KCNK2: variants seen among roughly 807,000 people sequenced by gnomAD.
KCNK2 encodes potassium two pore domain channel subfamily K member 2, also known as potassium channel subfamily K member 2.
A neutral mutation model predicts 40.5 loss-of-function variants in KCNK2; 21 were observed. The ratio of observed to expected loss-of-function variants is 0.52; its 90% CI spans 0.37 to 0.75. The LOEUF is 0.75. Among genes scored for constraint, KCNK2 ranks in the 30% least tolerant of loss-of-function variants. KCNK2 has a pLI of 0.00. For synonymous variants in KCNK2, 191 were observed against 202.2 expected (o/e 0.94, Z 0.47); for missense variants, 399 against 531.6 (o/e 0.75, Z 2.45).
At chr1:215,221,403 C>CA (rs756873959) in intron 6 of KCNK2, among the ~76,000 whole-genome samples, 2 of 151,958 alleles carry the variant, frequency 1.3e-5, no homozygotes, top group Non-Finnish European at 2.9e-5. Context: ...ACAACGACAA[C>CA]AAAAAACACA....
chr1:215,118,903 A>G (rs542652154), intron 2 of KCNK2, among the ~76,000 whole-genome samples: 3 of 152,256 alleles, frequency 2.0e-5, no homozygotes, highest in Admixed American at 6.5e-5. Context: ...GATAGGTGTG[A>G]CAGCATATTT....
At chr1:215,108,573 A>G (rs1326166003) in intron 2 of KCNK2, among the ~76,000 whole-genome samples, 2 of 152,108 alleles carry the variant, frequency 1.3e-5, no homozygotes, top group African/African-American at 4.8e-5. Context: ...GGTCATATCC[A>G]TGAAATCATT....
At chr1:215,010,900 G>GTGTGTGTGTA (rs559932493) in intron 1 of KCNK2, among the ~76,000 whole-genome samples, 77 of 137,858 alleles carry the variant, frequency 5.6e-4, no homozygotes, top group Non-Finnish European at 9.0e-4. Context: ...GTGTGTGTAT[G>GTGTGTGTGTA]TGTGTGTATA....
intron 1 of KCNK2, among the ~76,000 whole-genome samples, chr1:215,011,354 C>T (rs1323014428): frequency 6.6e-6 from 1 of 152,146 alleles, no homozygotes. Context: ...AGTGCGGTGG[C>T]ACTGCCTTGG....
At chr1:215,095,460 A>G (rs949955728) in intron 2 of KCNK2, among the ~76,000 whole-genome samples, 11 of 152,262 alleles carry the variant, frequency 7.2e-5, no homozygotes, top group African/African-American at 2.6e-4. Flanking sequence ...ATTTTTCTTC[A>G]TGATCACCGT....
chr1:215,007,623 C>T (rs1219560995), intron 1 of KCNK2, among the ~76,000 whole-genome samples: 1 of 152,042 alleles, frequency 6.6e-6, no homozygotes, highest in African/African-American at 2.4e-5. Flanking sequence ...AAACTGAACA[C>T]ATGTCCTTCT....
At chr1:215,190,639 A>G (rs1174657113) in intron 5 of KCNK2, among the ~76,000 whole-genome samples, 1 of 152,188 alleles carries the variant, frequency 6.6e-6, no homozygotes, top group Non-Finnish European at 1.5e-5. Flanking sequence ...CTGGTCTTTC[A>G]TTCCTGAGTT....
At chr1:215,136,982 C>G (rs10779641) in intron 3 of KCNK2, among the ~76,000 whole-genome samples, 2 of 151,948 alleles carry the variant, frequency 1.3e-5, no homozygotes, top group African/African-American at 2.4e-5. Flanking sequence ...TTATTAATGC[C>G]AAAAAAATTT....
At chr1:215,010,865 T>G (rs1055166364) in intron 1 of KCNK2, among the ~76,000 whole-genome samples, 69 of 110,868 alleles carry the variant, frequency 6.2e-4, no homozygotes, top group African/African-American at 2.7e-3. Flanking sequence ...TTTTTTTTTT[T>G]TTTTGTGTGT....
intron 3 of KCNK2, among the ~76,000 whole-genome samples, chr1:215,146,794 T>G (rs774909139): frequency 6.6e-6 from 1 of 152,228 alleles, no homozygotes; most frequent in African/African-American, 2.4e-5. Flanking sequence ...TGTTTAACTT[T>G]GTACACATTA....
At chr1:215,021,831 G>C (rs770481569) in intron 1 of KCNK2, among the ~76,000 whole-genome samples, 10 of 152,128 alleles carry the variant, frequency 6.6e-5, no homozygotes, top group Non-Finnish European at 1.5e-4. Context: ...TTACAGGCGT[G>C]AGCCACTGCG....
intron 2 of KCNK2, among the ~76,000 whole-genome samples, chr1:215,090,026 G>A (rs572695624): frequency 1.1e-4 from 17 of 151,754 alleles, no homozygotes; most frequent in Admixed American, 3.9e-4. Flanking sequence ...GGGTTTCTCC[G>A]TATTGGTCAG....
intron 1 of KCNK2, among the ~76,000 whole-genome samples, chr1:215,023,459 A>G (rs570364991): frequency 6.6e-6 from 1 of 152,202 alleles, no homozygotes; most frequent in South Asian, 2.1e-4. Context: ...ACATCATTTT[A>G]TACTCTGAAT....
At chr1:215,234,622 A>G (rs1666802893) in intron 6 of KCNK2, among the ~76,000 whole-genome samples, 1 of 152,194 alleles carries the variant, frequency 6.6e-6, no homozygotes, top group African/African-American at 2.4e-5. Context: ...AAGTTCATAG[A>G]TTAATTTTAG....
chr1:215,136,202 T>A (rs1661903184), intron 3 of KCNK2, among the ~76,000 whole-genome samples: 1 of 152,050 alleles, frequency 6.6e-6, no homozygotes, highest in Non-Finnish European at 1.5e-5. Context: ...TTCAAGTGAT[T>A]CTCCTGCCTC....
intron 5 of KCNK2, among the ~76,000 whole-genome samples, chr1:215,194,742 A>G (rs1168343684): frequency 6.6e-6 from 1 of 152,210 alleles, no homozygotes; most frequent in Non-Finnish European, 1.5e-5. Context: ...GAAAGTTTTC[A>G]TTAAGAAAAA....
Position 215,169,334 on chromosome 1 carries a change from T to C in KCNK2, c.611T>C (p.Ile204Thr), listed in dbSNP as rs1448216454. Residue 204 changes from isoleucine (I) to threonine (T), a missense_variant, in exon 4 of 7, where the codon ATT becomes ACT. By Grantham distance (89) the Ile-to-Thr change is moderately conservative. Around this residue, in one of 3 missense-constraint regions of KCNK2, gnomAD observed 279 missense variants for 353.8 expected, o/e 0.79. Coordinates refer to ENST00000444842, the MANE Select transcript of KCNK2 (RefSeq NM_001017425.3). ...CTAGGCACCATATTTGGAAAAGGAA[T>C]TGCCAAAGTGGAAGATACGTTTATT... ...DQLGTIFGKGIAKVEDTFIKW... is the reference protein window; with the variant it reads ...DQLGTIFGKGTAKVEDTFIKW... The C allele has an allele frequency of 6.2e-7, 1 of 1,612,332 alleles. No individual in the cohort carries two copies. The highest frequency in any genetic ancestry group is 2.2e-5 in the East Asian group (1 of 44,734).
intron 1 of KCNK2, among the ~76,000 whole-genome samples, chr1:215,046,256 G>C (rs1041878718): frequency 1.3e-5 from 2 of 152,104 alleles, no homozygotes; most frequent in South Asian, 2.1e-4. Context: ...ATTTAATAGA[G>C]ATGGCCCTTG....
At chr1:215,195,363 C>CT (rs58644485) in intron 6 of KCNK2, among the ~76,000 whole-genome samples, 14 of 148,804 alleles carry the variant, frequency 9.4e-5, no homozygotes, top group African/African-American at 2.7e-4. Context: ...TTCATTATTT[C>CT]TTTTTTTTTT....
Sources: gnomAD v4.1 joint callset for allele counts (sites outside exome capture counted in the v4.1 genomes callset) on GRCh38, gnomAD v4.1.1 for gene constraint, gnomAD v4.1.1 regional missense constraint, MANE v1.5 for transcripts, NCBI Gene and HGNC (gene_info 2026-07-23, HGNC 2026-07-21) for gene names.